MAX: variants seen among roughly 807,000 people sequenced by gnomAD.
MAX encodes MYC associated transcriptional regulator X.
In MAX, 3 loss-of-function variants were observed where a neutral mutation model predicts 22.3. The observed-to-expected ratio is 0.13, with a 90% CI of 0.06 to 0.35. The LOEUF (loss-of-function observed/expected upper bound fraction) is 0.35. Among genes scored for constraint, MAX ranks in the 10% least tolerant of loss-of-function variants. The pLI is 1.00. For missense variants in MAX, 119 were observed against 209.4 expected (o/e 0.57, Z 2.66); for synonymous variants, 72 against 77.7 (o/e 0.93, Z 0.39).
At chr14:65,034,173 G>A (rs772724144) in intron 3 of MAX, among the ~76,000 whole-genome samples, 4 of 152,148 alleles carry the variant, frequency 2.6e-5, no homozygotes, top group Non-Finnish European at 4.4e-5. Flanking sequence ...GCACACGTGC[G>A]TTTTGAGTTG....
At chr14:65,064,693 CCT>C (rs2062913586) in intron 3 of MAX, among the ~76,000 whole-genome samples, 1 of 152,222 alleles carries the variant, frequency 6.6e-6, no homozygotes, top group Non-Finnish European at 1.5e-5. Context: ...TGGTCACATG[CCT>C]CTCCCTTGAG....
At chr14:65,083,125 C>T (rs559218175) in intron 3 of MAX, among the ~76,000 whole-genome samples, 28 of 152,304 alleles carry the variant, frequency 1.8e-4, no homozygotes, top group African/African-American at 6.3e-4. Context: ...GCTGCAGCTA[C>T]GTGTCCATTT....
chr14:65,053,232 C>T (rs759492337), intron 3 of MAX: 1 of 1,371,548 alleles, frequency 7.3e-7, no homozygotes, highest in Admixed American at 2.8e-5. Context: ...CTTTGCCCTT[C>T]AACAGGTGAC....
Position 65,033,737 on chromosome 14 carries a change from G to A in MAX, c.172-27453C>T, listed in dbSNP as rs188487308. On this transcript the variant is annotated intron_variant, in intron 3 of 3. Coordinates refer to the MAX transcript ENST00000341653. ...CTGGGCATGGTGGCGGGCGCCTGTA[G>A]TCCCAGCTACTCGGGAAGCTGAGGC... Among the ~76,000 whole-genome samples, 243 of 152,212 alleles carry A rather than the reference G, an allele frequency of 1.6e-3. 1 individual carries two copies. Among genetic ancestry groups the A allele is most frequent in the African/African-American group, 5.8e-3 (242 of 41,546 alleles).
At position 65,084,012 on chromosome 14, in the gene MAX, A is replaced by T; in HGVS notation, c.172-5976T>A. 1.3e-6 allele frequency: 2 copies of T among 1,527,496 alleles called. No individual in the cohort carries two copies. Among genetic ancestry groups the T allele is most frequent in the Non-Finnish European group, 1.8e-6 (2 of 1,137,698 alleles). The allele number at this position is 1,527,496 out of a possible 1,614,324, so 94.6% of individuals were successfully genotyped here. ...AAGGAGGCTGGAAGGTTGTAAGGCC[A>T]GAGTCAGCACAGACCCATGGCTCCT... On this transcript the variant is annotated intron_variant, in intron 3 of 4. Transcript: ENST00000358664. The surrounding 1 kb of genome is among the most constrained non-coding windows in gnomAD (Gnocchi z 4.3).
intron 3 of MAX, among the ~76,000 whole-genome samples, chr14:65,020,888 C>T (rs779591539): frequency 2.6e-4 from 39 of 151,878 alleles, no homozygotes; most frequent in Non-Finnish European, 4.7e-4. Flanking sequence ...TGTGCCACCA[C>T]GCCCAGCTAA....
Position 65,030,536 on chromosome 14 carries a change from C to G in MAX, c.172-24252G>C, listed in dbSNP as rs768960594. Among the ~76,000 whole-genome samples, 1 of 152,050 alleles carries G rather than the reference C, an allele frequency of 6.6e-6. No individual in the cohort carries two copies. The highest frequency in any genetic ancestry group is 2.1e-4 in the South Asian group (1 of 4,820). ...AGAGAATCACTTGAGGCCAGGAGTT[C>G]AAGACCAACCTGGGTAACACAGCAA... On this transcript the variant is annotated intron_variant, in intron 3 of 3. Transcript: ENST00000341653. The surrounding 1 kb of genome is among the most constrained non-coding windows in gnomAD (Gnocchi z 4.5).
Position 65,076,400 on chromosome 14 carries a change from G to T in MAX, c.*76C>A. The T allele has an allele frequency of 6.2e-7, 1 of 1,611,272 alleles. No homozygotes were observed. Among genetic ancestry groups the T allele is most frequent in the Middle Eastern group, 2.2e-4 (1 of 4,452 alleles). ...AAAGAGTCTCTTAAATGGTTCTGAG[G>T]GCTCTACCAACGAACTGAAAGGAGG... On this transcript the variant is annotated 3_prime_UTR_variant, in exon 5 of 5. Transcript: ENST00000358664. This position sits in a 1 kb window ranked among gnomAD's most constrained non-coding sequence, Gnocchi z 6.6.
At chr14:65,067,140 A>G (rs1389176456) in intron 3 of MAX, among the ~76,000 whole-genome samples, 1 of 151,364 alleles carries the variant, frequency 6.6e-6, no homozygotes, top group Non-Finnish European at 1.5e-5. Context: ...AGCCATGATT[A>G]TGCCACTGTA....
At chr14:65,038,534 A>G (rs1485671341) in intron 3 of MAX, among the ~76,000 whole-genome samples, 1 of 151,814 alleles carries the variant, frequency 6.6e-6, no homozygotes, top group Non-Finnish European at 1.5e-5. Context: ...CCTGACCAAC[A>G]TGGTGAAACC....
intron 3 of MAX, among the ~76,000 whole-genome samples, chr14:65,010,466 T>A (rs1376584378): frequency 1.3e-5 from 2 of 152,210 alleles, no homozygotes; most frequent in Non-Finnish European, 2.9e-5. Flanking sequence ...GACCCACACA[T>A]CCAAAAGTCA....
At chr14:65,051,631 A>G (rs1221380413) in intron 3 of MAX, among the ~76,000 whole-genome samples, 3 of 151,806 alleles carry the variant, frequency 2.0e-5, no homozygotes, top group African/African-American at 7.3e-5. Flanking sequence ...AAAAAAAAGG[A>G]AATATTCAAC....
intron 3 of MAX, among the ~76,000 whole-genome samples, chr14:65,042,972 G>T (rs1036509112): frequency 3.3e-5 from 5 of 152,160 alleles, no homozygotes; most frequent in Non-Finnish European, 4.4e-5. Context: ...ACTCTCTATG[G>T]GCAGGTGTTG....
chr14:65,029,905 G>T lies in MAX; in HGVS notation c.172-23621C>A, dbSNP rs537580951. On this transcript the variant is annotated intron_variant, in intron 3 of 3. Transcript: ENST00000341653. This position sits in a 1 kb window ranked among gnomAD's most constrained non-coding sequence, Gnocchi z 4.7. Reference sequence around the variant, plus strand: ...GGTTTCAGGGCTGGAGGGAGAGAGAGCAGGAAGACTGATCCAGGTTGAAGA... The same window carrying T: ...GGTTTCAGGGCTGGAGGGAGAGAGATCAGGAAGACTGATCCAGGTTGAAGA... Among the ~76,000 whole-genome samples the T allele has an allele frequency of 6.6e-6, 1 of 152,356 alleles. No homozygotes were observed. The highest frequency in any genetic ancestry group is 1.9e-4 in the East Asian group (1 of 5,184).
intron 3 of MAX, among the ~76,000 whole-genome samples, chr14:65,020,139 A>G (rs1223261951): frequency 6.6e-6 from 1 of 152,140 alleles, no homozygotes; most frequent in Admixed American, 6.6e-5. Context: ...TTGTTTAGGG[A>G]ACAATATGAT....
chr14:65,016,805 A>G (rs1282291948), intron 3 of MAX, among the ~76,000 whole-genome samples: 1 of 151,846 alleles, frequency 6.6e-6, no homozygotes, highest in African/African-American at 2.4e-5. Flanking sequence ...AGGCAAGTGC[A>G]TTGTTTTGAT....
chr14:65,059,215 G>A (rs1201645723), intron 3 of MAX, among the ~76,000 whole-genome samples: 1 of 151,964 alleles, frequency 6.6e-6, no homozygotes. Context: ...TAGAGACAGG[G>A]TTTTGCTATG....
rs2063395411 is a variant in MAX, at chr14:65,088,252, G to A, written c.171+5456C>T. Among the ~76,000 whole-genome samples, 1 of 152,184 alleles carries A rather than the reference G, an allele frequency of 6.6e-6. No homozygotes were observed. The highest frequency in any genetic ancestry group is 1.5e-5 in the Non-Finnish European group (1 of 68,024). On this transcript the variant is annotated intron_variant, in intron 3 of 4. Coordinates refer to ENST00000358664, the MANE Select transcript of MAX (RefSeq NM_002382.5). The surrounding 1 kb of genome is among the most constrained non-coding windows in gnomAD (Gnocchi z 5.2). ...AGGCGAAAAAGCAGGTAGGTAAGCT[G>A]GGTATCTTATTTACAGAACATGGAA...
chr14:65,059,300 G>A (rs953279840), intron 3 of MAX, among the ~76,000 whole-genome samples: 3 of 151,730 alleles, frequency 2.0e-5, no homozygotes, highest in Non-Finnish European at 4.4e-5. Context: ...GATTATAGGT[G>A]TGAGCCATTG....
Sources: gnomAD v4.1 joint callset for allele counts (sites outside exome capture counted in the v4.1 genomes callset) on GRCh38, gnomAD v4.1.1 for gene constraint, Gnocchi (gnomAD v3.1) non-coding constraint, MANE v1.5 for transcripts, NCBI Gene and HGNC (gene_info 2026-07-23, HGNC 2026-07-21) for gene names.